Variants in ZNF250 observed in about 807,000 individuals in gnomAD.
ZNF250 encodes the protein zinc finger protein 250.
ZNF250 carries 13 observed loss-of-function variants against 37.1 expected under a neutral mutation model. The ratio of observed to expected loss-of-function variants is 0.35; its 90% CI spans 0.23 to 0.56. The LOEUF is 0.56. Ranked by LOEUF, ZNF250 falls within the 20% of genes least tolerant of loss-of-function variation. ZNF250 has a pLI of 0.87. For missense variants in ZNF250, 474 were observed against 697.9 expected, an observed-to-expected ratio of 0.68 and a Z score of 3.61; for synonymous variants, 251 against 265.6, an observed-to-expected ratio of 0.94 and a Z score of 0.54.
chr8:144,885,473 GT>G (rs1017676175), intron 5 of ZNF250, among the ~76,000 whole-genome samples: 1 of 150,124 alleles, frequency 6.7e-6, no homozygotes, highest in African/African-American at 2.4e-5. Flanking sequence ...CTCTATGTGG[GT>G]TTTTTTTTGA....
chr8:144,882,124 C>T lies in ZNF250; in HGVS notation c.1059G>A (p.Gln353=), dbSNP rs1184157114. ...AGGGCTTCTCCCCGGTGTGGATCCT[C>T]TGGTGCTGCAGCAGTGTCCTCTTCA... ...FSVKRTLLQH[Q]RIHTGEKPYT... Residue 353 remains glutamine (Q), a synonymous_variant, in exon 6 of 6, where the codon CAG becomes CAA. Coordinates refer to ENST00000417550, the MANE Select transcript of ZNF250 (RefSeq NM_001109689.4). This position sits in a 1 kb window ranked among gnomAD's most constrained non-coding sequence, Gnocchi z 5.5. The T allele has an allele frequency of 3.1e-6, 5 of 1,613,708 alleles. No homozygotes were observed. Among genetic ancestry groups the T allele is most frequent in the Non-Finnish European group, 4.2e-6 (5 of 1,179,910 alleles).
At position 144,877,621 on chromosome 8, in the gene ZNF250, C is replaced by T. The variant is rs529013531; in HGVS notation, c.*3894G>A. The T allele has an allele frequency of 6.6e-6, 1 of 152,184 alleles. No homozygotes were observed. Among genetic ancestry groups the T allele is most frequent in the Admixed American group, 6.5e-5 (1 of 15,280 alleles). The allele number at this position is 152,184 out of a possible 1,614,324, so 9.4% of individuals were successfully genotyped here. ...GAGGTGAGTGGCAAGAAAATGTAGC[C>T]TGGGAATCCTCCTCAGAAAGAAGGG... is the stretch of plus-strand genomic sequence containing the variant. On this transcript the variant is annotated 3_prime_UTR_variant, in exon 6 of 6. Coordinates refer to ENST00000417550, the MANE Select transcript of ZNF250 (RefSeq NM_001109689.4).
In ZNF250 at chr8:144,877,011, A is replaced by C. The variant is rs1333774944; in HGVS notation, c.*4504T>G. ...CAGATTATACACAGAAATTCCAGGC[A>C]GACTAAAATGTTTTCCAAAATAATA... On this transcript the variant is annotated 3_prime_UTR_variant, in exon 6 of 6. Coordinates refer to ENST00000417550, the MANE Select transcript of ZNF250 (RefSeq NM_001109689.4). 2.6e-5 allele frequency: 4 copies of C among 152,276 alleles called. No individual in the cohort carries two copies. The highest frequency in any genetic ancestry group is 5.9e-5 in the Non-Finnish European group (4 of 68,048). 9.4% of individuals were successfully genotyped at this position (152,276 alleles called of 1,614,324 possible). A position where few individuals can be genotyped will look rare whatever the true frequency, so the allele number is the denominator to read the frequency against.
Position 144,897,696 on chromosome 8 carries a change from C to G in ZNF250, c.-55+3703G>C, listed in dbSNP as rs188618817. ...AGCCTTCAGAGCTGAGAGCCCTGAA[C>G]AGAGATTTACCCACGTATTTATTAA... On this transcript the variant is annotated intron_variant, in intron 1 of 5. Coordinates refer to ENST00000417550, the MANE Select transcript of ZNF250 (RefSeq NM_001109689.4). The surrounding 1 kb of genome is among the most constrained non-coding windows in gnomAD (Gnocchi z 5.2). Among the ~76,000 whole-genome samples, 582 of 152,294 alleles carry G rather than the reference C, an allele frequency of 3.8e-3. 4 individuals carry two copies. Among genetic ancestry groups the G allele is most frequent in the African/African-American group, 0.013 (542 of 41,548 alleles).
In ZNF250 at chr8:144,890,312, G is replaced by T; in HGVS notation, c.38C>A (p.Pro13His). The T allele has an allele frequency of 7.2e-6, 11 of 1,518,996 alleles. No homozygotes were observed. The highest frequency in any genetic ancestry group is 9.7e-6 in the Non-Finnish European group (11 of 1,130,502). The allele number at this position is 1,518,996 out of a possible 1,614,324, so 94.1% of individuals were successfully genotyped here. ...TAAGCACTGGGGACAGCTTACCTGG[G>T]GTCCTGCCGGCACTGGCAGGAGTCT... ...AARLLPVPAGPQAKLTFEDVA... is the reference protein window; with the variant it reads ...AARLLPVPAGHQAKLTFEDVA... Residue 13 changes from proline (P) to histidine (H), a missense_variant, in exon 2 of 6, where the codon CCC becomes CAC. Physicochemically the swap from Pro to His is moderately conservative, Grantham distance 77. Transcript: ENST00000417550. This position sits in a 1 kb window ranked among gnomAD's most constrained non-coding sequence, Gnocchi z 5.1.
intron 1 of ZNF250, among the ~76,000 whole-genome samples, chr8:144,899,974 T>A (rs1832989739): frequency 6.6e-6 from 1 of 152,206 alleles, no homozygotes; most frequent in African/African-American, 2.4e-5. Context: ...CTAAAAATTT[T>A]AAATTTTCTA....
chr8:144,898,351 CAAAAA>C (rs1832864073), intron 1 of ZNF250, among the ~76,000 whole-genome samples: 1 of 149,988 alleles, frequency 6.7e-6, no homozygotes, highest in African/African-American at 2.5e-5. Context: ...CAAAACAAAA[CAAAAA>C]AACAACCAAA....
intron 1 of ZNF250, among the ~76,000 whole-genome samples, chr8:144,894,853 G>A (rs551703783): frequency 6.6e-6 from 1 of 151,048 alleles, no homozygotes; most frequent in South Asian, 2.1e-4. Flanking sequence ...TGGTAGAGAC[G>A]AGGTCTTGCT....
Position 144,882,233 on chromosome 8 carries a change from T to C in ZNF250, c.950A>G (p.His317Arg). 2 of 1,614,120 alleles carry C rather than the reference T, an allele frequency of 1.2e-6. No individual in the cohort carries two copies. Among genetic ancestry groups the C allele is most frequent in the Non-Finnish European group, 1.7e-6 (2 of 1,179,996 alleles). The change falls in exon 6 of 6, where the codon CAT becomes CGT. Residue 317 changes from histidine to arginine, a missense_variant. Around this residue, in one of 2 missense-constraint regions of ZNF250, gnomAD observed 282 missense variants for 470.4 expected, o/e 0.60. Transcript: ENST00000417550. This position sits in a 1 kb window ranked among gnomAD's most constrained non-coding sequence, Gnocchi z 5.5. ...VCPLCGKAFNHSTVLRSHQRV... is the reference protein window; with the variant it reads ...VCPLCGKAFNRSTVLRSHQRV... ...CTGGTGGCTCCGCAGAACAGTGCTATGGTTGAAGGCTTTCCCACACAACGG... is the reference window on the plus strand; with the variant it reads ...CTGGTGGCTCCGCAGAACAGTGCTACGGTTGAAGGCTTTCCCACACAACGG...
Position 144,882,642 on chromosome 8 carries a change from G to A in ZNF250, c.541C>T (p.Leu181Phe), listed in dbSNP as rs1456015718. 1.9e-6 allele frequency: 3 copies of A among 1,613,902 alleles called. No individual in the cohort carries two copies. Among genetic ancestry groups the A allele is most frequent in the Non-Finnish European group, 2.5e-6 (3 of 1,179,910 alleles). ...EVQVLSQSMP[L>F]TPHQAVPSGE... ...CTAGGCACTGCCTGGTGCGGAGTGAGTGGCATGCTTTGGCTTAAGACCTGA... is the reference window on the plus strand; with the variant it reads ...CTAGGCACTGCCTGGTGCGGAGTGAATGGCATGCTTTGGCTTAAGACCTGA... The change falls in exon 6 of 6, where the codon CTC becomes TTC. Residue 181 changes from leucine (L) to phenylalanine (F), a missense_variant. Leu to Phe is a conservative substitution (Grantham distance 22). Around this residue, in one of 2 missense-constraint regions of ZNF250, gnomAD observed 192 missense variants for 227.5 expected, o/e 0.84. Transcript: ENST00000417550. This position sits in a 1 kb window ranked among gnomAD's most constrained non-coding sequence, Gnocchi z 5.5.
chr8:144,898,220 C>G (rs1328424866), intron 1 of ZNF250, among the ~76,000 whole-genome samples: 1 of 152,100 alleles, frequency 6.6e-6, no homozygotes, highest in Non-Finnish European at 1.5e-5. Context: ...TTGCTTGAAC[C>G]TGGGAGGTGG....
chr8:144,889,864 G>A (rs574022277), intron 3 of ZNF250, 69 bp downstream of exon 3: 131 of 1,531,620 alleles, frequency 8.6e-5, no homozygotes, highest in South Asian at 5.2e-4. Flanking sequence ...CCCAGGCCCC[G>A]TACCCTGAGA....
intron 5 of ZNF250, among the ~76,000 whole-genome samples, chr8:144,884,984 T>G (rs1024421391): frequency 1.3e-5 from 2 of 152,244 alleles, no homozygotes; most frequent in Non-Finnish European, 2.9e-5. Context: ...TGCAGAAATT[T>G]GTGCCTACTT....
Position 144,879,142 on chromosome 8 carries a change from C to T in ZNF250, c.*2373G>A, listed in dbSNP as rs1176260198. 1 of 152,232 alleles carries T rather than the reference C, an allele frequency of 6.6e-6. No homozygotes were observed. Among genetic ancestry groups the T allele is most frequent in the Admixed American group, 6.5e-5 (1 of 15,284 alleles). 9.4% of individuals were successfully genotyped at this position (152,232 alleles called of 1,614,324 possible). A position where few individuals can be genotyped will look rare whatever the true frequency, so the allele number is the denominator to read the frequency against. ...AGAATGGCAACACCTCTAAGGTTAA[C>T]ACCTTGGTTATCTGAGCTATCTGAG... On this transcript the variant is annotated 3_prime_UTR_variant, in exon 6 of 6. Transcript: ENST00000417550.
Position 144,887,512 on chromosome 8 carries a change from T to C in ZNF250, c.284-610A>G, listed in dbSNP as rs994941441. ...TCTAAAACTCAGTCCCATCGTCCTC[T>C]GTGGCCTGTGTTAGAGGTGAGGGGA... On this transcript the variant is annotated intron_variant, in intron 4 of 5. Transcript: ENST00000417550. 1.2e-3 allele frequency among the ~76,000 whole-genome samples: 181 copies of C among 152,138 alleles called. 3 individuals carry two copies. Among genetic ancestry groups the C allele is most frequent in the Admixed American group, 7.9e-4 (12 of 15,262 alleles).
At chr8:144,889,180 C>A (rs1832131392) in intron 4 of ZNF250, among the ~76,000 whole-genome samples, 1 of 152,254 alleles carries the variant, frequency 6.6e-6, no homozygotes, top group Non-Finnish European at 1.5e-5. Context: ...AGCACTTCAC[C>A]TTAAGTGTCA....
In ZNF250 at chr8:144,882,540, T is replaced by C. The variant is rs752804015; in HGVS notation, c.643A>G (p.Ile215Val). Residue 215 changes from isoleucine to valine, a missense_variant, in exon 6 of 6, where the codon ATC becomes GTC. By Grantham distance (29) the Ile-to-Val change is conservative (BLOSUM62 3). Coordinates refer to ENST00000417550, the MANE Select transcript of ZNF250 (RefSeq NM_001109689.4). This position sits in a 1 kb window ranked among gnomAD's most constrained non-coding sequence, Gnocchi z 5.5. ...ACATAGGGCTTCTCTCCAGTGTGGA[T>C]ACGCTGATGCTGAAGGAGGTGGGAA... ...RSSHLLQHQR[I>V]HTGEKPYVCS... The C allele has an allele frequency of 1.9e-6, 3 of 1,614,210 alleles. No homozygotes were observed. Among genetic ancestry groups the C allele is most frequent in the Admixed American group, 1.7e-5 (1 of 60,020 alleles).
intron 1 of ZNF250, among the ~76,000 whole-genome samples, chr8:144,896,659 G>T (rs1216398063): frequency 6.6e-6 from 1 of 152,196 alleles, no homozygotes; most frequent in Non-Finnish European, 1.5e-5. Context: ...TGAGAACACA[G>T]TTCAGGCAGG....
rs56677445 is a variant in ZNF250 at position 144,887,252 on chromosome 8, CAAAAAAAAAAAAAAAAA to C, written c.284-367_284-351del. Among the ~76,000 whole-genome samples the C allele has an allele frequency of 2.4e-4, 15 of 63,080 alleles. 1 individual carries two copies. Among genetic ancestry groups the C allele is most frequent in the African/African-American group, 1.1e-3 (15 of 13,210 alleles). 41.4% of individuals were successfully genotyped at this position (63,080 alleles called of 152,430 possible). A position where few individuals can be genotyped will look rare whatever the true frequency, so the allele number is the denominator to read the frequency against. On this transcript the variant is annotated intron_variant, in intron 4 of 5. Transcript: ENST00000417550. ...GGGGACAGAGTGAAACTCCGTCTCT[CAAAAAAAAAAAAAAAAA>C]AAAAAAAAAAAGAGTGGAAAATCCT...
Sources: gnomAD v4.1 joint callset for allele counts (sites outside exome capture counted in the v4.1 genomes callset) on GRCh38, gnomAD v4.1.1 for gene constraint, gnomAD v4.1.1 regional missense constraint, Gnocchi (gnomAD v3.1) non-coding constraint, MANE v1.5 for transcripts, NCBI Gene and HGNC (gene_info 2026-07-23, HGNC 2026-07-21) for gene names.